The following TEX9 variants were observed in gnomAD, a reference collection of about 807,000 sequenced individuals.
The protein encoded by TEX9 is testis expressed 9.
A neutral mutation model predicts 59.6 loss-of-function variants in TEX9; 74 were observed. That is an observed-to-expected ratio of 1.24 (90% confidence interval 1.03 to 1.51). The LOEUF (loss-of-function observed/expected upper bound fraction) is 1.51, where lower values mean the gene tolerates loss of function less well. Ranked by LOEUF, TEX9 falls within the 40% of genes most tolerant of loss-of-function variation. TEX9 has a pLI of 0.00. For missense variants in TEX9, 522 were observed against 447.8 expected, an observed-to-expected ratio of 1.17 and a Z score of -1.49; for synonymous variants, 186 against 152.2, an observed-to-expected ratio of 1.22 and a Z score of -1.64.
chr15:56,456,960 A>G, the TEX9 span, among the ~76,000 whole-genome samples: 1 of 152,186 alleles, frequency 6.6e-6, no homozygotes, highest in Non-Finnish European at 1.5e-5. Context: ...CAACACGTCT[A>G]ATTAACAATA....
chr15:56,421,599 CA>C (rs2049978987), intron 10 of TEX9: 1 of 151,752 alleles, frequency 6.6e-6, no homozygotes, highest in Non-Finnish European at 1.5e-5. Context: ...TTCTCATTAG[CA>C]GCATCTAGTT....
At chr15:56,368,618 A>C (rs943051674) in intron 2 of TEX9, among the ~76,000 whole-genome samples, 1 of 152,094 alleles carries the variant, frequency 6.6e-6, no homozygotes, top group Non-Finnish European at 1.5e-5. Flanking sequence ...TTTCTAGAAT[A>C]GTTTTTGGTT....
chr15:56,269,654 T>C (rs2044475609), intron 1 of TEX9, among the ~76,000 whole-genome samples: 2 of 114,726 alleles, frequency 1.7e-5, no homozygotes, highest in African/African-American at 1.0e-4. Flanking sequence ...TTTTCTTTTC[T>C]TTTTTTTTTT....
intron 3 of TEX9, among the ~76,000 whole-genome samples, chr15:56,383,560 T>C (rs998935525): frequency 6.6e-6 from 1 of 152,224 alleles, no homozygotes; most frequent in Non-Finnish European, 1.5e-5. Context: ...TTCTCAACAT[T>C]GAAGTTTTTC....
intron 1 of TEX9, among the ~76,000 whole-genome samples, chr15:56,359,441 T>G (rs541964313): frequency 8.5e-5 from 13 of 152,164 alleles, no homozygotes; most frequent in Middle Eastern, 6.3e-3. Context: ...GCACCTTAAA[T>G]AAGTGGAATT....
intron 1 of TEX9, among the ~76,000 whole-genome samples, chr15:56,249,370 A>G (rs1249603662): frequency 2.6e-5 from 4 of 151,628 alleles, no homozygotes; most frequent in African/African-American, 7.3e-5. Flanking sequence ...TGGACCCAGC[A>G]ATCTGTCTTT....
intron 1 of TEX9, among the ~76,000 whole-genome samples, chr15:56,331,337 G>C (rs576820673): frequency 2.0e-4 from 31 of 152,204 alleles, no homozygotes; most frequent in African/African-American, 7.2e-4. Flanking sequence ...TTCATCCAAG[G>C]GCTGCAGAAT....
intron 1 of TEX9, among the ~76,000 whole-genome samples, chr15:56,339,915 C>G (rs759892985): frequency 6.6e-6 from 1 of 151,998 alleles, no homozygotes; most frequent in Non-Finnish European, 1.5e-5. Flanking sequence ...GCAGGCTCCT[C>G]AACTACAAGC....
At chr15:56,372,971 A>G (rs2047257397) in intron 2 of TEX9, among the ~76,000 whole-genome samples, 1 of 152,284 alleles carries the variant, frequency 6.6e-6, no homozygotes, top group South Asian at 2.1e-4. Context: ...GGGTCTGCTC[A>G]CTAAACCTCA....
chr15:56,380,373 C>G (rs2047669498), intron 3 of TEX9, among the ~76,000 whole-genome samples: 1 of 152,092 alleles, frequency 6.6e-6, no homozygotes, highest in South Asian at 2.1e-4. Flanking sequence ...ACTGTACTGT[C>G]TATGAGTTAA....
chr15:56,350,785 T>C (rs755086733), intron 1 of TEX9, among the ~76,000 whole-genome samples: 25 of 152,210 alleles, frequency 1.6e-4, no homozygotes, highest in Non-Finnish European at 3.4e-4. Flanking sequence ...AAGGGGTTTG[T>C]TGTGTCTTCC....
chr15:56,389,754 T>G (rs1186048101), intron 6 of TEX9, among the ~76,000 whole-genome samples: 1 of 151,820 alleles, frequency 6.6e-6, no homozygotes, highest in Non-Finnish European at 1.5e-5. Context: ...AGTTTTTGAG[T>G]ATTTGACAAA....
rs1181233406 is a variant in TEX9, at chr15:56,377,327, C to G, written c.183+3823C>G. ...TATTTTGCAAGGGGTTGCCTTGAAT[C>G]TGTAGATTGCTTTGGGTAGTATGGA... On this transcript the variant is annotated intron_variant, in intron 3 of 12. Transcript: ENST00000352903. Among the ~76,000 whole-genome samples, 3 of 152,190 alleles carry G rather than the reference C, an allele frequency of 2.0e-5. No individual in the cohort carries two copies. In the South Asian group the frequency reaches 6.2e-4, roughly 32 times the overall value.
intron 2 of TEX9, among the ~76,000 whole-genome samples, chr15:56,373,008 C>A (rs776213446): frequency 2.0e-5 from 3 of 152,096 alleles, no homozygotes; most frequent in Non-Finnish European, 4.4e-5. Context: ...TATAGCAATA[C>A]CCCAAACCAG....
intron 1 of TEX9, among the ~76,000 whole-genome samples, chr15:56,339,315 G>A (rs1344960584): frequency 2.8e-5 from 4 of 142,526 alleles, no homozygotes; most frequent in South Asian, 4.6e-4. Flanking sequence ...CCCAGGAGGT[G>A]GAGGTTGCAG....
intron 1 of TEX9, among the ~76,000 whole-genome samples, chr15:56,246,890 G>T (rs1057484503): frequency 1.3e-5 from 2 of 152,134 alleles, no homozygotes; most frequent in Non-Finnish European, 1.5e-5. Flanking sequence ...TGAAAATAAT[G>T]ATGTACATCA....
intron 10 of TEX9, 51 bp downstream of exon 10, chr15:56,412,487 C>A: frequency 6.6e-7 from 1 of 1,522,074 alleles, no homozygotes; most frequent in South Asian, 1.2e-5. Context: ...GTAACTACTT[C>A]TTTTATGAAC....
At chr15:56,421,551 G>C (rs930042540) in intron 10 of TEX9, 1 of 151,678 alleles carries the variant, frequency 6.6e-6, no homozygotes, top group Non-Finnish European at 1.5e-5. Flanking sequence ...GCATTGTCTT[G>C]TCTTTTTCCA....
chr15:56,435,942 C>T (rs1278771316), intron 12 of TEX9, among the ~76,000 whole-genome samples: 1 of 151,986 alleles, frequency 6.6e-6, no homozygotes, highest in Non-Finnish European at 1.5e-5. Context: ...GAATTATTCA[C>T]CATGACCAAG....
Sources: allele counts gnomAD v4.1 joint callset (sites outside exome capture counted in the v4.1 genomes callset), GRCh38; gene constraint gnomAD v4.1.1; transcripts MANE v1.5; gene names NCBI Gene and HGNC (gene_info 2026-07-23, HGNC 2026-07-21).